FLT3: variants seen among roughly 807,000 people sequenced by gnomAD.
FLT3 encodes fms related receptor tyrosine kinase 3, also known as receptor-type tyrosine-protein kinase FLT3.
In FLT3, 46 loss-of-function variants were observed where a neutral mutation model predicts 126.6. The ratio of observed to expected loss-of-function variants is 0.36; its 90% CI spans 0.29 to 0.46. The LOEUF (loss-of-function observed/expected upper bound fraction) is 0.46, where lower values mean the gene tolerates loss of function less well. Among genes scored for constraint, FLT3 ranks in the 20% least tolerant of loss-of-function variants. FLT3 has a pLI of 1.00. For missense variants in FLT3, 1,069 were observed against 1,190.3 expected, an observed-to-expected ratio of 0.90 and a Z score of 1.50; for synonymous variants, 404 against 434.4, an observed-to-expected ratio of 0.93 and a Z score of 0.87.
intron 3 of FLT3, 81 bp downstream of exon 3, chr13:28,061,786 T>C: frequency 4.3e-6 from 5 of 1,170,436 alleles, no homozygotes; most frequent in Admixed American, 2.1e-5. Flanking sequence ...AAAAAAAGGT[T>C]TACAATAAAC....
Position 28,050,194 on chromosome 13 carries a change from T to C in FLT3, c.643A>G (p.Lys215Glu). ...SCKEESPAVV[K>E]KEEKVLHELF... ...TCATGAAGCACTTTTTCCTCCTTTTTAACAACAGCTGGACTTTCTTCTTTA... is the reference window on the plus strand; with the variant it reads ...TCATGAAGCACTTTTTCCTCCTTTTCAACAACAGCTGGACTTTCTTCTTTA... Residue 215 changes from lysine to glutamate, a missense_variant, in exon 6 of 24, where the codon AAA becomes GAA. By Grantham distance (56) the Lys-to-Glu change is moderately conservative. Transcript: ENST00000241453. 6.2e-7 allele frequency: 1 copy of C among 1,614,098 alleles called. No homozygotes were observed. The highest frequency in any genetic ancestry group is 8.5e-7 in the Non-Finnish European group (1 of 1,179,952).
rs979689401 is a variant in FLT3 at position 28,070,528 on chromosome 13, T to C, written c.128A>G (p.Asn43Ser). ...TGATGACTTCCCCACTGATGAATCA[T>C]TGTTCTTATGATTGATTAAAACACA... The part of the protein sequence containing the change: ...IKCVLINHKN[N>S]DSSVGKSSSY... The change falls in exon 2 of 24, where the codon AAT becomes AGT. Residue 43 changes from asparagine to serine, a missense_variant. Physicochemically the swap from Asn to Ser is conservative, Grantham distance 46. Transcript: ENST00000241453. 9 of 1,608,876 alleles carry C rather than the reference T, an allele frequency of 5.6e-6. No homozygotes were observed. The highest frequency in any genetic ancestry group is 4.0e-5 in the African/African-American group (3 of 74,834).
chr13:28,003,771 G>A lies in FLT3; in HGVS notation c.*281C>T. ...ATTTACAAGAATATACTGTACTTCA[G>A]GTACACAATTCACTCAAGCCAGCCT... On this transcript the variant is annotated 3_prime_UTR_variant, in exon 24 of 24. Coordinates refer to ENST00000241453, the MANE Select transcript of FLT3 (RefSeq NM_004119.3). 2.3e-6 allele frequency: 1 copy of A among 438,120 alleles called. No individual in the cohort carries two copies. Among genetic ancestry groups the A allele is most frequent in the East Asian group, 3.4e-5 (1 of 29,064 alleles). The allele number at this position is 438,120 out of a possible 1,614,324, so 27.1% of individuals were successfully genotyped here.
intron 19 of FLT3, among the ~76,000 whole-genome samples, chr13:28,021,938 C>T (rs1872429692): frequency 6.6e-6 from 1 of 151,874 alleles, no homozygotes; most frequent in African/African-American, 2.4e-5. Context: ...GGGGTTTCAC[C>T]GTGTTGGCCA....
intron 1 of FLT3, among the ~76,000 whole-genome samples, chr13:28,099,931 G>C (rs924256247): frequency 2.6e-5 from 4 of 152,176 alleles, no homozygotes; most frequent in African/African-American, 4.8e-5. Flanking sequence ...GGGCTGGGGG[G>C]TATCGTTATT....
intron 23 of FLT3, among the ~76,000 whole-genome samples, chr13:28,011,413 G>T (rs1383566799): frequency 6.6e-6 from 1 of 150,994 alleles, no homozygotes; most frequent in Non-Finnish European, 1.5e-5. Flanking sequence ...AGATCACCCT[G>T]GGGAAGGTGA....
chr13:28,037,581 C>A (rs1230825889), intron 9 of FLT3, among the ~76,000 whole-genome samples: 1 of 152,174 alleles, frequency 6.6e-6, no homozygotes, highest in African/African-American at 2.4e-5. Context: ...CCATGTGAGT[C>A]ATATGCCCAT....
rs1168970545 is a variant in FLT3, at chr13:28,035,498, G to A, written c.1594C>T (p.Pro532Ser). The change falls in exon 12 of 24, where the codon CCA becomes TCA. Residue 532 changes from proline to serine, a missense_variant. Physicochemically the swap from Pro to Ser is moderately conservative, Grantham distance 74. Coordinates refer to ENST00000241453, the MANE Select transcript of FLT3 (RefSeq NM_004119.3). ...TSCETILLNS[P>S]GPFPFIQDNI... ...ATCACAAGAACAACTGTTGTACCTG[G>A]AGAGTTTAAAAGGATCGTCTCACAA... The A allele has an allele frequency of 1.2e-6, 2 of 1,612,532 alleles. No homozygotes were observed. The highest frequency in any genetic ancestry group is 2.2e-5 in the East Asian group (1 of 44,880).
Position 28,100,384 on chromosome 13 carries a change from G to C in FLT3, c.43+84C>G, listed in dbSNP as rs1879747382. On this transcript the variant is annotated intron_variant, in intron 1 of 23. Transcript: ENST00000241453. This position sits in a 1 kb window ranked among gnomAD's most constrained non-coding sequence, Gnocchi z 4.8. Reference sequence around the variant, plus strand: ...CGGGGAGGAGCGAGGCGGCTGGGCCGGAGGAGGCGCGCGCCCGGGTCCACA... The same window carrying C: ...CGGGGAGGAGCGAGGCGGCTGGGCCCGAGGAGGCGCGCGCCCGGGTCCACA... The C allele has an allele frequency of 5.1e-6, 5 of 989,542 alleles. No individual in the cohort carries two copies. Among genetic ancestry groups the C allele is most frequent in the Non-Finnish European group, 5.2e-6 (4 of 771,616 alleles). The allele number at this position is 989,542 out of a possible 1,614,324, so 61.3% of individuals were successfully genotyped here. A position where few individuals can be genotyped will look rare whatever the true frequency, so the allele number is the denominator to read the frequency against.
At chr13:28,092,377 GT>G (rs994889040) in intron 1 of FLT3, among the ~76,000 whole-genome samples, 1 of 151,398 alleles carries the variant, frequency 6.6e-6, no homozygotes, top group Non-Finnish European at 1.5e-5. Context: ...TATTTTGACT[GT>G]TTTTTTTAGA....
chr13:28,007,788 A>AACT (rs1871041284), intron 23 of FLT3, among the ~76,000 whole-genome samples: 1 of 152,158 alleles, frequency 6.6e-6, no homozygotes, highest in Non-Finnish European at 1.5e-5. Flanking sequence ...GAGGATTAAG[A>AACT]GTTATTAATT....
intron 1 of FLT3, among the ~76,000 whole-genome samples, chr13:28,095,786 G>A (rs1271946504): frequency 2.6e-5 from 4 of 152,120 alleles, no homozygotes; most frequent in Non-Finnish European, 5.9e-5. Context: ...CCTGCTTGCC[G>A]AGTGTCATGC....
At chr13:28,019,294 C>T (rs1177158827) in intron 19 of FLT3, among the ~76,000 whole-genome samples, 8 of 152,012 alleles carry the variant, frequency 5.3e-5, no homozygotes, top group Non-Finnish European at 7.4e-5. Flanking sequence ...TGGAAAATAG[C>T]TTTAGGAATA....
chr13:28,004,009 G>C lies in FLT3; in HGVS notation c.*43C>G, dbSNP rs763689906. The stretch of plus-strand genomic sequence containing the variant: ...TGTTTTGGTAATCTACAGCCTGTTA[G>C]GGATAGGTGGAGGGATGAAGTCCTT... On this transcript the variant is annotated 3_prime_UTR_variant, in exon 24 of 24. Transcript: ENST00000241453. The C allele has an allele frequency of 1.9e-6, 3 of 1,610,916 alleles. No homozygotes were observed. Among genetic ancestry groups the C allele is most frequent in the African/African-American group, 1.3e-5 (1 of 74,874 alleles).
intron 2 of FLT3, among the ~76,000 whole-genome samples, chr13:28,063,586 C>A (rs937111731): frequency 6.6e-6 from 1 of 152,328 alleles, no homozygotes; most frequent in Middle Eastern, 3.4e-3. Context: ...CTGAACACAG[C>A]ATGCACACAT....
chr13:28,083,728 T>A (rs1378364374), intron 1 of FLT3, among the ~76,000 whole-genome samples: 1 of 151,644 alleles, frequency 6.6e-6, no homozygotes, highest in Non-Finnish European at 1.5e-5. Flanking sequence ...GTGTCTTTTA[T>A]TTTTTTTCTG....
intron 23 of FLT3, among the ~76,000 whole-genome samples, chr13:28,006,716 G>A (rs1870930733): frequency 6.7e-6 from 1 of 148,988 alleles, no homozygotes; most frequent in Non-Finnish European, 1.5e-5. Flanking sequence ...TTCTTTAAGT[G>A]ACCTTTCTTT....
intron 20 of FLT3, among the ~76,000 whole-genome samples, chr13:28,017,986 T>C (rs1408638606): frequency 6.6e-6 from 1 of 152,230 alleles, no homozygotes; most frequent in Non-Finnish European, 1.5e-5. Context: ...TTTTAGATCT[T>C]CCTGTGTTAA....
chr13:28,064,733 T>C (rs1389708256), intron 2 of FLT3, among the ~76,000 whole-genome samples: 1 of 152,142 alleles, frequency 6.6e-6, no homozygotes, highest in Non-Finnish European at 1.5e-5. Flanking sequence ...GGTGAGGCCA[T>C]GGGGAAACAG....
Sources: gnomAD v4.1 joint callset for allele counts (sites outside exome capture counted in the v4.1 genomes callset) on GRCh38, gnomAD v4.1.1 for gene constraint, Gnocchi (gnomAD v3.1) non-coding constraint, MANE v1.5 for transcripts, NCBI Gene and HGNC (gene_info 2026-07-23, HGNC 2026-07-21) for gene names.